PPP6R3: variants seen among roughly 807,000 people sequenced by gnomAD.
The protein encoded by PPP6R3 is serine/threonine-protein phosphatase 6 regulatory subunit 3.
In PPP6R3, 38 loss-of-function variants were observed where a neutral mutation model predicts 110.7. The ratio of observed to expected loss-of-function variants is 0.34; its 90% CI spans 0.26 to 0.45. PPP6R3 has a LOEUF of 0.45. Among genes scored for constraint, PPP6R3 ranks in the 20% least tolerant of loss-of-function variants. The probability of loss-of-function intolerance (pLI) is 1.00; values close to 1 mark genes in which losing one functional copy is unlikely to be tolerated. For synonymous variants in PPP6R3, 369 were observed against 373.5 expected (o/e 0.99, Z 0.14); for missense variants, 870 against 1,062.4 (o/e 0.82, Z 2.52).
At chr11:68,524,674 C>G (rs117225305) in intron 2 of PPP6R3, among the ~76,000 whole-genome samples, 1,562 of 152,264 alleles carry the variant, frequency 0.01, 10 homozygotes, top group African/African-American at 0.012. Flanking sequence ...CTGAAAAGGA[C>G]TTTATATTCA....
chr11:68,603,201 A>G lies in PPP6R3; in HGVS notation c.2300-141A>G, dbSNP rs1057032591. On this transcript the variant is annotated intron_variant, in intron 21 of 23. Transcript: ENST00000393800. ...TCTCCCCATCAAGAATGTGGCCCAGACAACAGCAGGCAGAAGCCATCTCAC... is the reference window on the plus strand; with the variant it reads ...TCTCCCCATCAAGAATGTGGCCCAGGCAACAGCAGGCAGAAGCCATCTCAC... 60 of 1,102,396 alleles carry G rather than the reference A, an allele frequency of 5.4e-5. No individual in the cohort carries two copies. In the African/African-American group the frequency reaches 5.8e-4, roughly 11 times the overall value. 68.3% of individuals were successfully genotyped at this position (1,102,396 alleles called of 1,614,324 possible). A position where few individuals can be genotyped will look rare whatever the true frequency, so the allele number is the denominator to read the frequency against.
At chr11:68,475,443 G>A (rs541555375) in intron 1 of PPP6R3, among the ~76,000 whole-genome samples, 6 of 152,254 alleles carry the variant, frequency 3.9e-5, no homozygotes, top group Non-Finnish European at 8.8e-5. Context: ...CCTCCCAGAC[G>A]GGGTGGTGGC....
At chr11:68,554,900 G>T (rs1030599647) in intron 7 of PPP6R3, among the ~76,000 whole-genome samples, 3 of 152,182 alleles carry the variant, frequency 2.0e-5, no homozygotes, top group Non-Finnish European at 2.9e-5. Flanking sequence ...TGGCAATCTT[G>T]CTTCGGTTTA....
chr11:68,549,788 A>C (rs1300631743), intron 5 of PPP6R3, among the ~76,000 whole-genome samples: 2 of 152,102 alleles, frequency 1.3e-5, no homozygotes. Flanking sequence ...CTGGAGAGAG[A>C]GAGCGATAGG....
intron 14 of PPP6R3, among the ~76,000 whole-genome samples, chr11:68,579,303 G>C (rs1044882639): frequency 3.3e-5 from 5 of 152,188 alleles, no homozygotes; most frequent in East Asian, 1.9e-4. Context: ...TCACACTTCT[G>C]ATTTCCCTTG....
intron 1 of PPP6R3, 46 bp downstream of exon 1, chr11:68,460,873 G>C (rs2098698332): frequency 6.6e-6 from 1 of 150,550 alleles, no homozygotes; most frequent in Non-Finnish European, 1.5e-5. Context: ...GGCGCGGGGT[G>C]TGCGAGGCGC....
intron 3 of PPP6R3, among the ~76,000 whole-genome samples, chr11:68,541,859 A>G (rs977204568): frequency 2.0e-5 from 3 of 152,128 alleles, no homozygotes; most frequent in Non-Finnish European, 2.9e-5. Context: ...GGTACTGCTC[A>G]TAAGAAACCA....
intron 15 of PPP6R3, among the ~76,000 whole-genome samples, chr11:68,585,030 T>C (rs1361407376): frequency 1.3e-5 from 2 of 152,234 alleles, no homozygotes; most frequent in African/African-American, 2.4e-5. Context: ...TCATTCACGT[T>C]TGAGGTTGGG....
chr11:68,581,242 C>G (rs2099553272), intron 14 of PPP6R3, among the ~76,000 whole-genome samples: 1 of 152,136 alleles, frequency 6.6e-6, no homozygotes, highest in Non-Finnish European at 1.5e-5. Context: ...TAAATATCTT[C>G]TAGTATTGCT....
intron 8 of PPP6R3, among the ~76,000 whole-genome samples, chr11:68,561,999 A>G (rs1393613661): frequency 6.6e-6 from 1 of 151,998 alleles, no homozygotes; most frequent in Admixed American, 6.6e-5. Flanking sequence ...GTGAGACTGC[A>G]TCTGTTTACA....
At chr11:68,551,972 G>A (rs2099382772) in intron 6 of PPP6R3, among the ~76,000 whole-genome samples, 1 of 152,186 alleles carries the variant, frequency 6.6e-6, no homozygotes, top group Non-Finnish European at 1.5e-5. Flanking sequence ...CTTAGTCCTA[G>A]GTGCTAAAGG....
intron 1 of PPP6R3, among the ~76,000 whole-genome samples, chr11:68,481,406 G>A (rs2098910927): frequency 6.6e-6 from 1 of 152,202 alleles, no homozygotes; most frequent in Non-Finnish European, 1.5e-5. Context: ...AGAACTAACT[G>A]CCTTGAATAC....
At position 68,510,054 on chromosome 11, in the gene PPP6R3, CTTTTTT is replaced by C. The variant is rs372113258; in HGVS notation, c.-157-9431_-157-9426del. Among the ~76,000 whole-genome samples the C allele has an allele frequency of 2.6e-4, 20 of 76,968 alleles. No homozygotes were observed. In the South Asian group the frequency reaches 3.1e-3, roughly 12 times the overall value. The allele number at this position is 76,968 out of a possible 152,430, so 50.5% of individuals were successfully genotyped here. A position where few individuals can be genotyped will look rare whatever the true frequency, so the allele number is the denominator to read the frequency against. The stretch of plus-strand genomic sequence containing the variant: ...ACAGGTGTGAGCTACTGTGCTCGGC[CTTTTTT>C]TTTTTTTTTTTTTTTGATAAGTTTT... On this transcript the variant is annotated intron_variant, in intron 1 of 23. Coordinates refer to ENST00000393800, the MANE Select transcript of PPP6R3 (RefSeq NM_001164161.2).
chr11:68,578,629 A>G (rs1044085911), intron 14 of PPP6R3, among the ~76,000 whole-genome samples: 5 of 152,212 alleles, frequency 3.3e-5, no homozygotes, highest in African/African-American at 1.2e-4. Flanking sequence ...ATTCATTTAT[A>G]CACTGAACAC....
At chr11:68,582,183 A>G (rs1482243488) in intron 14 of PPP6R3, among the ~76,000 whole-genome samples, 4 of 152,226 alleles carry the variant, frequency 2.6e-5, no homozygotes, top group Admixed American at 2.6e-4. Context: ...GTACAGAATA[A>G]ACAGCTCAGA....
chr11:68,586,216 C>A (rs1246367633), intron 15 of PPP6R3: 1 of 152,188 alleles, frequency 6.6e-6, no homozygotes, highest in African/African-American at 2.4e-5. Flanking sequence ...GTTCATGCTG[C>A]TTACTCAACA....
chr11:68,591,738 A>G, intron 18 of PPP6R3, 32 bp downstream of exon 18: 1 of 1,589,866 alleles, frequency 6.3e-7, no homozygotes, highest in Non-Finnish European at 8.6e-7. Context: ...TTGTAATTAT[A>G]GCCAACCTGT....
chr11:68,611,445 G>T (rs1943342325), intron 23 of PPP6R3, among the ~76,000 whole-genome samples: 1 of 152,210 alleles, frequency 6.6e-6, no homozygotes, highest in Non-Finnish European at 1.5e-5. Flanking sequence ...CTCCTCTGTG[G>T]CTGGGAATGC....
rs950869358 is a variant in PPP6R3, at chr11:68,460,781, C to G, written c.-204C>G. Reference sequence around the variant, plus strand: ...GCTTCGCTGATGGTGTCGGTGAGCGCGTTTCCCGCCTGAGCGCAACTAGCG... The same window carrying G: ...GCTTCGCTGATGGTGTCGGTGAGCGGGTTTCCCGCCTGAGCGCAACTAGCG... On this transcript the variant is annotated 5_prime_UTR_variant, in exon 1 of 24. Coordinates refer to ENST00000393800, the MANE Select transcript of PPP6R3 (RefSeq NM_001164161.2). 2.6e-5 allele frequency: 4 copies of G among 152,090 alleles called. No individual in the cohort carries two copies. The highest frequency in any genetic ancestry group is 9.7e-5 in the African/African-American group (4 of 41,380). The allele number at this position is 152,090 out of a possible 1,614,324, so 9.4% of individuals were successfully genotyped here.
Sources: gnomAD v4.1 joint callset for allele counts (sites outside exome capture counted in the v4.1 genomes callset) on GRCh38, gnomAD v4.1.1 for gene constraint, MANE v1.5 for transcripts, NCBI Gene and HGNC (gene_info 2026-07-23, HGNC 2026-07-21) for gene names.